Variants in DGKB observed in about 807,000 individuals in gnomAD.
DGKB encodes the protein diacylglycerol kinase beta.
Under a neutral mutation model 114.3 loss-of-function variants are expected in DGKB, and 67 were observed. That is an observed-to-expected ratio of 0.59 (90% CI 0.48 to 0.72). DGKB has a LOEUF of 0.72. Ranked by LOEUF, DGKB falls within the 30% of genes least tolerant of loss-of-function variation. The pLI is 0.00. For synonymous variants in DGKB, 398 were observed against 323.1 expected (o/e 1.23, Z -2.49); for missense variants, 907 against 975.2 (o/e 0.93, Z 0.93).
At chr7:14,182,910 G>A (rs145757028) in intron 23 of DGKB, among the ~76,000 whole-genome samples, 1 of 152,182 alleles carries the variant, frequency 6.6e-6, no homozygotes, top group Non-Finnish European at 1.5e-5. Flanking sequence ...ACTGAAGAAA[G>A]GGGGAGAAAG....
intron 21 of DGKB, among the ~76,000 whole-genome samples, chr7:14,374,373 C>T (rs1583483548): frequency 1.3e-5 from 2 of 152,246 alleles, no homozygotes; most frequent in East Asian, 3.9e-4. Context: ...GGCGCTCTTC[C>T]ATATTTTTGG....
At chr7:14,581,991 C>T (rs188119756) in intron 18 of DGKB, among the ~76,000 whole-genome samples, 1 of 152,240 alleles carries the variant, frequency 6.6e-6, no homozygotes, top group African/African-American at 2.4e-5. Context: ...TAGATTAAAG[C>T]TGTTAGATCC....
chr7:14,645,126 C>G (rs1040872425), intron 13 of DGKB, among the ~76,000 whole-genome samples: 3 of 151,980 alleles, frequency 2.0e-5, no homozygotes, highest in Non-Finnish European at 4.4e-5. Flanking sequence ...AACCATGGAC[C>G]CATCAGCATG....
intron 17 of DGKB, among the ~76,000 whole-genome samples, chr7:14,587,617 T>C (rs578142544): frequency 2.6e-5 from 4 of 152,204 alleles, no homozygotes; most frequent in African/African-American, 7.2e-5. Flanking sequence ...TAAGTGTCCA[T>C]CAATGGGTCA....
intron 23 of DGKB, among the ~76,000 whole-genome samples, chr7:14,208,123 G>A (rs1018620478): frequency 1.3e-5 from 2 of 151,976 alleles, no homozygotes; most frequent in Non-Finnish European, 2.9e-5. Flanking sequence ...TATTTAATCT[G>A]TATAAGCACC....
chr7:14,228,081 G>A (rs964756552), intron 23 of DGKB, among the ~76,000 whole-genome samples: 6 of 151,982 alleles, frequency 3.9e-5, no homozygotes, highest in African/African-American at 1.4e-4. Flanking sequence ...CCAGAATCAT[G>A]GAGAATTTCT....
intron 20 of DGKB, among the ~76,000 whole-genome samples, chr7:14,545,696 T>G (rs1794173313): frequency 6.6e-6 from 1 of 152,224 alleles, no homozygotes; most frequent in Admixed American, 6.5e-5. Context: ...TGGGATCTGC[T>G]GGGCAATGCC....
At chr7:14,884,892 C>T (rs966368339) in intron 1 of DGKB, among the ~76,000 whole-genome samples, 1 of 151,916 alleles carries the variant, frequency 6.6e-6, no homozygotes, top group Non-Finnish European at 1.5e-5. Flanking sequence ...ACAATATTAA[C>T]CTCATGATTT....
chr7:14,363,678 A>C (rs921888421), intron 21 of DGKB, among the ~76,000 whole-genome samples: 8 of 152,204 alleles, frequency 5.3e-5, no homozygotes, highest in Middle Eastern at 3.4e-3. Context: ...TCTTATATTA[A>C]AAAAAGAAAA....
intron 22 of DGKB, 22 bp downstream of exon 22, chr7:14,345,279 A>C: frequency 7.2e-7 from 1 of 1,381,284 alleles, no homozygotes; most frequent in Non-Finnish European, 1.0e-6. Flanking sequence ...ATATTACAAA[A>C]GAGAATTCAT....
At chr7:14,958,140 G>A (rs1786620477) in intron 1 of DGKB, among the ~76,000 whole-genome samples, 1 of 151,880 alleles carries the variant, frequency 6.6e-6, no homozygotes, top group African/African-American at 2.4e-5. Flanking sequence ...TAAAAATTAA[G>A]TCAACATCCA....
At chr7:14,711,245 G>A (rs1387115197) in intron 6 of DGKB, among the ~76,000 whole-genome samples, 2 of 151,908 alleles carry the variant, frequency 1.3e-5, no homozygotes, top group African/African-American at 4.8e-5. Context: ...AGAAAGTTTG[G>A]AGAGTTTTAA....
At chr7:14,826,123 C>G (rs1412776212) in intron 2 of DGKB, among the ~76,000 whole-genome samples, 1 of 152,120 alleles carries the variant, frequency 6.6e-6, no homozygotes, top group Non-Finnish European at 1.5e-5. Flanking sequence ...GTGAGCCAAG[C>G]CTTTAAGTGC....
At chr7:14,691,974 T>C (rs368260540) in intron 9 of DGKB, among the ~76,000 whole-genome samples, 1 of 152,026 alleles carries the variant, frequency 6.6e-6, no homozygotes, top group South Asian at 2.1e-4. Context: ...GTACAGTTAA[T>C]AGAGTGCACA....
chr7:14,536,296 C>T (rs548969008), intron 20 of DGKB, among the ~76,000 whole-genome samples: 2 of 152,116 alleles, frequency 1.3e-5, no homozygotes, highest in Admixed American at 6.5e-5. Context: ...CTTCCAAACT[C>T]ATATGAGGTC....
At chr7:14,415,426 C>G (rs553604292) in intron 21 of DGKB, among the ~76,000 whole-genome samples, 284 of 151,792 alleles carry the variant, frequency 1.9e-3, no homozygotes, top group Non-Finnish European at 2.2e-3. Context: ...CCCACTCCCC[C>G]CACCCCACAA....
intron 2 of DGKB, among the ~76,000 whole-genome samples, chr7:14,765,760 A>G (rs746541687): frequency 2.6e-5 from 4 of 152,030 alleles, no homozygotes; most frequent in Non-Finnish European, 4.4e-5. Flanking sequence ...CGAGCCACTC[A>G]TCTATACTAT....
chr7:14,815,768 C>T (rs1369927076), intron 2 of DGKB, among the ~76,000 whole-genome samples: 1 of 152,110 alleles, frequency 6.6e-6, no homozygotes, highest in African/African-American at 2.4e-5. Context: ...CCTTATTCAA[C>T]AGCAGCACAA....
chr7:14,672,349 C>T (rs1455653677), intron 13 of DGKB, among the ~76,000 whole-genome samples: 1 of 152,018 alleles, frequency 6.6e-6, no homozygotes, highest in African/African-American at 2.4e-5. Context: ...TCTCTTCCTA[C>T]CAAGGTTCGT....
Sources: gnomAD v4.1 joint callset for allele counts (sites outside exome capture counted in the v4.1 genomes callset) on GRCh38, gnomAD v4.1.1 for gene constraint, MANE v1.5 for transcripts, NCBI Gene and HGNC (gene_info 2026-07-23, HGNC 2026-07-21) for gene names.